Variants in MAMDC4 observed in about 807,000 individuals in gnomAD.
MAMDC4 encodes MAM domain containing 4.
MAMDC4 carries 168 observed loss-of-function variants against 153.3 expected under a neutral mutation model. That is an observed-to-expected ratio of 1.10 (90% CI 0.97 to 1.25). The LOEUF (loss-of-function observed/expected upper bound fraction) is 1.25, where lower values mean the gene tolerates loss of function less well. MAMDC4 is among the 50% of genes most tolerant of loss of function. The probability of loss-of-function intolerance (pLI) is 0.00; values close to 1 mark genes in which losing one functional copy is unlikely to be tolerated. For synonymous variants in MAMDC4, 744 were observed against 651.5 expected, an observed-to-expected ratio of 1.14 and a Z score of -2.16; for missense variants, 1,701 against 1,542.8, an observed-to-expected ratio of 1.10 and a Z score of -1.72.
rs1476724758 is a variant in MAMDC4 at position 136,854,844 on chromosome 9, C to G, written c.1017C>G (p.Asn339Lys). The stretch of plus-strand genomic sequence containing the variant: ...AATTCCAAGCCTCAGGCACCTCCAA[C>G]TGCTCGGTGAGATGGGTGGGGCTCA... Reference protein sequence around the residue: ...SPEFQASGTSNCSLVFYQYLS... With the variant: ...SPEFQASGTSKCSLVFYQYLS... The change falls in exon 9 of 27, where the codon AAC becomes AAG. Residue 339 changes from asparagine to lysine, a missense_variant. Transcript: ENST00000317446. 4 of 1,612,814 alleles carry G rather than the reference C, an allele frequency of 2.5e-6. No homozygotes were observed. The highest frequency in any genetic ancestry group is 3.4e-6 in the Non-Finnish European group (4 of 1,179,878).
rs1417358573 is a variant in MAMDC4 at position 136,860,505 on chromosome 9, G to A, written c.3373-57G>A. ...CATTGCACTCCATCCTGGTTGACAA[G>A]AGCGAAACTCCGTCTCAGGAAAGAA... On this transcript the variant is annotated intron_variant, in intron 26 of 26. Transcript: ENST00000317446. 3.9e-6 allele frequency: 6 copies of A among 1,557,076 alleles called. No individual in the cohort carries two copies. In the East Asian group the frequency reaches 9.4e-5, roughly 24 times the overall value.
chr9:136,855,190 G>T, intron 10 of MAMDC4, 64 bp from the exon 11 acceptor site: 1 of 1,580,162 alleles, frequency 6.3e-7, no homozygotes, highest in Admixed American at 1.8e-5. Flanking sequence ...CCCACTGCGG[G>T]TGGACAGGGA....
In MAMDC4 at chr9:136,857,720, G is replaced by A; in HGVS notation, c.2388G>A (p.Leu796=). ...TACCCCGGGGCCAGACGGCCTCCCT[G>A]ACCTCCAAGGAGCACAGGCCCCTGG... ...DALPRGQTAS[L]TSKEHRPLAQ... The change falls in exon 19 of 27, where the codon CTG becomes CTA. Residue 796 remains leucine (L), a synonymous_variant. Transcript: ENST00000317446. The A allele has an allele frequency of 6.2e-7, 1 of 1,612,724 alleles. No homozygotes were observed.
intron 22 of MAMDC4, 58 bp from the exon 23 acceptor site, chr9:136,858,661 C>G (rs1267498796): frequency 3.7e-6 from 6 of 1,603,836 alleles, no homozygotes; most frequent in Non-Finnish European, 4.2e-6. Flanking sequence ...AGCCTCTGCT[C>G]GGGCCCTGAG....
intron 25 of MAMDC4, 57 bp downstream of exon 25, chr9:136,859,374 C>T (rs369840736): frequency 2.2e-5 from 33 of 1,483,828 alleles, no homozygotes; most frequent in East Asian, 1.2e-4. Context: ...CAGCCTGGCT[C>T]GGGGTTTGCC....
In MAMDC4 at chr9:136,854,313, C is replaced by G. The variant is rs1422253023; in HGVS notation, c.773C>G (p.Ser258Cys). 6.3e-7 allele frequency: 1 copy of G among 1,587,552 alleles called. No individual in the cohort carries two copies. Among genetic ancestry groups the G allele is most frequent in the South Asian group, 1.1e-5 (1 of 87,188 alleles). Reference protein sequence around the residue: ...CDGEDNCGDLSDENPLTCGRH... With the variant: ...CDGEDNCGDLCDENPLTCGRH... ...GGGGAAGACAACTGCGGGGACCTGT[C>G]TGATGAGAACCCACTCACCTGTGGT... Residue 258 changes from serine (S) to cysteine (C), a missense_variant, in exon 7 of 27, where the codon TCT (serine) becomes TGT (cysteine). Coordinates refer to ENST00000317446, the MANE Select transcript of MAMDC4 (RefSeq NM_206920.3).
rs754744439 is a variant in MAMDC4 at position 136,858,442 on chromosome 9, T to A, written c.2717T>A (p.Leu906Gln). The change falls in exon 22 of 27, where the codon CTG becomes CAG. Residue 906 changes from leucine (L) to glutamine (Q), a missense_variant. Leu to Gln is a moderately radical substitution (Grantham distance 113). Coordinates refer to ENST00000317446, the MANE Select transcript of MAMDC4 (RefSeq NM_206920.3). ...TCTGGCCTGTGTGGCTGGAGCCACC[T>A]GGCCTGGCCCGGCCTGGGCGGATAC... Reference protein sequence around the residue: ...FESGLCGWSHLAWPGLGGYSW... With the variant: ...FESGLCGWSHQAWPGLGGYSW... 1 of 1,605,930 alleles carries A rather than the reference T, an allele frequency of 6.2e-7. No homozygotes were observed.
In MAMDC4 at chr9:136,854,351, G is replaced by A. The variant is rs1328813058; in HGVS notation, c.796+15G>A. ...ACTCACCTGTGGTGAGGCCGGAGTG[G>A]GGGCCCAGAGTGAGGCTGGGAGACT... On this transcript the variant is annotated intron_variant, in intron 7 of 26. Transcript: ENST00000317446. 3 of 1,531,554 alleles carry A rather than the reference G, an allele frequency of 2.0e-6. No homozygotes were observed. Among genetic ancestry groups the A allele is most frequent in the African/African-American group, 1.4e-5 (1 of 72,652 alleles). The allele number at this position is 1,531,554 out of a possible 1,614,324, so 94.9% of individuals were successfully genotyped here. A position where few individuals can be genotyped will look rare whatever the true frequency, so the allele number is the denominator to read the frequency against.
At chr9:136,858,313 G>A in intron 21 of MAMDC4, 37 bp downstream of exon 21, 1 of 1,600,626 alleles carries the variant, frequency 6.2e-7, no homozygotes, top group Non-Finnish European at 8.5e-7. Context: ...CTGCTCTGGG[G>A]TGCCTGCCTA....
rs368988631 is a variant in MAMDC4, at chr9:136,855,517, T to G, written c.1369T>G (p.Cys457Gly). The G allele has an allele frequency of 6.3e-7, 1 of 1,594,388 alleles. No homozygotes were observed. The highest frequency in any genetic ancestry group is 8.5e-7 in the Non-Finnish European group (1 of 1,170,874). Residue 457 changes from cysteine to glycine, a missense_variant, in exon 12 of 27, where the codon TGC (cysteine) becomes GGC (glycine). Transcript: ENST00000317446. ...LPPSSRLQDS[C>G]KQGHLACGDL... Reference sequence around the variant, plus strand: ...GCCCAGCTCGCGGCTCCAGGATTCCTGCAAGCAGGGGCATCTTGCCTGCGG... The same window carrying G: ...GCCCAGCTCGCGGCTCCAGGATTCCGGCAAGCAGGGGCATCTTGCCTGCGG...
Position 136,856,123 on chromosome 9 carries a change from CTTA to C in MAMDC4, c.1700_1702del (p.Tyr567del), listed in dbSNP as rs1265627974. The stretch of plus-strand genomic sequence containing the variant: ...GGCCCCAGCTGTGAACTCCACCTGG[CTTA>C]TTATTTACAGAGCCAGCCCCGAGGT... On this transcript the variant is annotated inframe_deletion, in exon 14 of 27. Transcript: ENST00000317446. The C allele has an allele frequency of 2.4e-5, 39 of 1,612,476 alleles. No homozygotes were observed. The highest frequency in any genetic ancestry group is 6.7e-5 in the Admixed American group (4 of 60,014).
At position 136,854,262 on chromosome 9, in the gene MAMDC4, G is replaced by C; in HGVS notation, c.722G>C (p.Cys241Ser). 1.2e-6 allele frequency: 2 copies of C among 1,611,198 alleles called. No homozygotes were observed. Among genetic ancestry groups the C allele is most frequent in the Non-Finnish European group, 1.7e-6 (2 of 1,179,314 alleles). ...CACCACCACTGCCAGAACAAGGTCT[G>C]CGTGGAGCCCCAGCAGCTGTGCGAC... The part of the protein sequence containing the change: ...PGHHHCQNKV[C>S]VEPQQLCDGE... The change falls in exon 7 of 27, where the codon TGC (cysteine) becomes TCC (serine). Residue 241 changes from cysteine (C) to serine (S), a missense_variant. Cys to Ser is a moderately radical substitution (Grantham distance 112). Transcript: ENST00000317446.
At chr9:136,854,476 TG>T in intron 7 of MAMDC4, 62 bp from the exon 8 acceptor site, 2 of 1,549,810 alleles carry the variant, frequency 1.3e-6, no homozygotes, top group Non-Finnish European at 1.7e-6. Flanking sequence ...CCCCTGGAGC[TG>T]GGGCCATACG....
chr9:136,858,706 C>T lies in MAMDC4; in HGVS notation c.2822-13C>T. On this transcript the variant is annotated splice_polypyrimidine_tract_variant and intron_variant, in intron 22 of 26. Transcript: ENST00000317446. ...TGCCCATCAGCTGGGCATCAGCCTC[C>T]TCTTGTTCCCAGGCCACTTTGCCTT... 2.5e-6 allele frequency: 4 copies of T among 1,612,048 alleles called. No homozygotes were observed. The highest frequency in any genetic ancestry group is 3.4e-6 in the Non-Finnish European group (4 of 1,179,704).
In MAMDC4 at chr9:136,859,016, C is replaced by T; in HGVS notation, c.2968C>T (p.Leu990=). The T allele has an allele frequency of 6.5e-7, 1 of 1,529,048 alleles. No homozygotes were observed. Among genetic ancestry groups the T allele is most frequent in the Non-Finnish European group, 8.8e-7 (1 of 1,134,294 alleles). The allele number at this position is 1,529,048 out of a possible 1,614,324, so 94.7% of individuals were successfully genotyped here. The change falls in exon 24 of 27, where the codon CTG becomes TTG. Residue 990 remains leucine (L), a synonymous_variant. Coordinates refer to ENST00000317446, the MANE Select transcript of MAMDC4 (RefSeq NM_206920.3). ...GFPEHFYKGE[L]KVLLHSAQGQ... is the part of the protein sequence containing the mutation. The stretch of plus-strand genomic sequence containing the variant: ...GGCCCTGCTCTCAGACAAGGGGGAG[C>T]TGAAGGTACTGCTGCACAGTGCTCA...
At position 136,856,144 on chromosome 9, in the gene MAMDC4, C is replaced by T; in HGVS notation, c.1715C>T (p.Pro572Leu). ...LHLAYYLQSQ[P>L]REVSCNFERD... ...CTGGCTTATTATTTACAGAGCCAGC[C>T]CCGAGGTACCGCCACACTCCGCAAG... Residue 572 changes from proline to leucine, a missense_variant, in exon 14 of 27, where the codon CCC becomes CTC. Coordinates refer to ENST00000317446, the MANE Select transcript of MAMDC4 (RefSeq NM_206920.3). The T allele has an allele frequency of 1.2e-6, 2 of 1,612,158 alleles. No homozygotes were observed. Among genetic ancestry groups the T allele is most frequent in the South Asian group, 1.1e-5 (1 of 91,038 alleles).
At position 136,855,561 on chromosome 9, in the gene MAMDC4, G is replaced by A. The variant is rs748387245; in HGVS notation, c.1413G>A (p.Pro471=). Residue 471 remains proline, a synonymous_variant, in exon 12 of 27, where the codon CCG becomes CCA. Coordinates refer to ENST00000317446, the MANE Select transcript of MAMDC4 (RefSeq NM_206920.3). ...CCTGCGGGGACCTGTGTGTGCCCCC[G>A]GAACAACTGTGTGACTTCGAGGAGC... ...HLACGDLCVP[P]EQLCDFEEQC... 3.5e-5 allele frequency: 55 copies of A among 1,591,848 alleles called. No individual in the cohort carries two copies. The Admixed American group carries it at 6.5e-4, about 19-fold the overall frequency.
chr9:136,853,725 G>GGGGGGC, intron 4 of MAMDC4, 52 bp from the exon 5 acceptor site: 9 of 579,604 alleles, frequency 1.6e-5, no homozygotes, highest in East Asian at 5.2e-5. Flanking sequence ...GGGCGGGTGG[G>GGGGGGC]CAGCTGGGGA....
rs749842776 is a variant in MAMDC4, at chr9:136,857,426, C to T, written c.2166C>T (p.Ala722=). ...GCACCATGGCGCTGGACGATGTGGC[C>T]GTGCGGCCGGGCCCCTGCTGGGCCC... The part of the protein sequence containing the change: ...YHGTMALDDV[A]VRPGPCWAPN... The change falls in exon 18 of 27, where the codon GCC becomes GCT. Residue 722 remains alanine (A), a synonymous_variant. Transcript: ENST00000317446. The T allele has an allele frequency of 8.7e-6, 14 of 1,608,310 alleles. No individual in the cohort carries two copies. The Admixed American group carries it at 1.5e-4, about 17-fold the overall frequency.
Sources: gnomAD v4.1 joint callset for allele counts on GRCh38, gnomAD v4.1.1 for gene constraint, MANE v1.5 for transcripts, NCBI Gene and HGNC (gene_info 2026-07-23, HGNC 2026-07-21) for gene names.